TTC21A: variants seen among roughly 807,000 people sequenced by gnomAD.
The protein encoded by TTC21A is tetratricopeptide repeat protein 21A.
TTC21A carries 128 observed loss-of-function variants against 156.4 expected under a neutral mutation model. That is an observed-to-expected ratio of 0.82 (90% CI 0.71 to 0.95). The LOEUF (loss-of-function observed/expected upper bound fraction) is 0.95. Ranked by LOEUF, TTC21A falls within the 40% of genes least tolerant of loss-of-function variation. The pLI is 0.00. For synonymous variants in TTC21A, 587 were observed against 617.1 expected (o/e 0.95, Z 0.72); for missense variants, 1,435 against 1,602.3 (o/e 0.90, Z 1.78).
At chr3:39,123,929 G>A (rs1364602487) in intron 9 of TTC21A, among the ~76,000 whole-genome samples, 1 of 152,132 alleles carries the variant, frequency 6.6e-6, no homozygotes, top group Non-Finnish European at 1.5e-5. Context: ...ATGAACAGGT[G>A]TTCATTCTCC....
At chr3:39,111,971 G>A (rs992132021) in intron 4 of TTC21A, among the ~76,000 whole-genome samples, 5 of 152,168 alleles carry the variant, frequency 3.3e-5, no homozygotes, top group African/African-American at 7.2e-5. Context: ...AGCTCAGAAC[G>A]GCTCCTGCTC....
chr3:39,123,090 C>A (rs2037904423), intron 9 of TTC21A, among the ~76,000 whole-genome samples: 1 of 152,176 alleles, frequency 6.6e-6, no homozygotes, highest in Non-Finnish European at 1.5e-5. Flanking sequence ...GACTTTTCCT[C>A]CCAAAACACC....
chr3:39,111,121 G>GC, intron 4 of TTC21A, 104 bp downstream of exon 4: 2 of 1,300,426 alleles, frequency 1.5e-6, no homozygotes, highest in Non-Finnish European at 2.1e-6. Flanking sequence ...CTGGGGGAGA[G>GC]CCACACCCAG....
chr3:39,124,822 A>G (rs2038086105), intron 9 of TTC21A, among the ~76,000 whole-genome samples: 1 of 152,116 alleles, frequency 6.6e-6, no homozygotes, highest in Non-Finnish European at 1.5e-5. Flanking sequence ...CCTAGTGGTT[A>G]TCTCTAGAGA....
chr3:39,119,453 G>A (rs2037557412), intron 7 of TTC21A: 1 of 152,518 alleles, frequency 6.6e-6, no homozygotes, highest in African/African-American at 2.4e-5. Flanking sequence ...ATGTCAAAAT[G>A]GAGCAGAGGC....
Position 39,133,223 on chromosome 3 carries a change from T to C in TTC21A, c.2734T>C (p.Leu912=). 1.2e-6 allele frequency: 2 copies of C among 1,613,698 alleles called. No homozygotes were observed. Among genetic ancestry groups the C allele is most frequent in the Non-Finnish European group, 1.7e-6 (2 of 1,179,736 alleles). ...VQSYKDVFSY[L]PTDNKVMLEL... is the part of the protein sequence containing the mutation. ...GTCTTATAAGGATGTCTTCTCCTACTTGCCAACTGACAATAAGGTGAGTGG... is the reference window on the plus strand; with the variant it reads ...GTCTTATAAGGATGTCTTCTCCTACCTGCCAACTGACAATAAGGTGAGTGG... The change falls in exon 20 of 29, where the codon TTG becomes CTG. Residue 912 remains leucine, a synonymous_variant. Coordinates refer to ENST00000683103, the MANE Select transcript of TTC21A (RefSeq NM_001366900.1).
At chr3:39,137,853 C>T (rs937161292) in intron 26 of TTC21A, 143 bp downstream of exon 26, 18 of 855,666 alleles carry the variant, frequency 2.1e-5, no homozygotes, top group South Asian at 3.3e-5. Flanking sequence ...GGCACATGGG[C>T]GACAGACCAG....
At chr3:39,118,847 A>AG (rs2037506031) in intron 7 of TTC21A, 1 of 152,168 alleles carries the variant, frequency 6.6e-6, no homozygotes, top group African/African-American at 2.4e-5. Flanking sequence ...GCAAACCAGG[A>AG]GTCTCTAAGG....
At chr3:39,121,377 A>T (rs1036017997) in intron 9 of TTC21A, among the ~76,000 whole-genome samples, 188 bp downstream of exon 9, 2 of 152,212 alleles carry the variant, frequency 1.3e-5, no homozygotes, top group African/African-American at 2.4e-5. Context: ...AGCAATGCTC[A>T]GAGGTATGAT....
intron 7 of TTC21A, 110 bp from the exon 8 acceptor site, chr3:39,119,812 G>A (rs2125791102): frequency 4.1e-6 from 3 of 731,494 alleles, no homozygotes; most frequent in Admixed American, 2.3e-5. Context: ...CTGGGCATGG[G>A]CATTTTTTAA....
chr3:39,138,396 A>G lies in TTC21A; in HGVS notation c.3796+9A>G. The G allele has an allele frequency of 1.2e-6, 2 of 1,614,034 alleles. No homozygotes were observed. Among genetic ancestry groups the G allele is most frequent in the Admixed American group, 1.7e-5 (1 of 60,000 alleles). Reference sequence around the variant, plus strand: ...CGCCAACCCTGCCATTGGTAAGGCAACCAGCCAGGGTGCACGTGAATGGAC... The same window carrying G: ...CGCCAACCCTGCCATTGGTAAGGCAGCCAGCCAGGGTGCACGTGAATGGAC... On this transcript the variant is annotated intron_variant, in intron 27 of 28. Coordinates refer to ENST00000683103, the MANE Select transcript of TTC21A (RefSeq NM_001366900.1).
chr3:39,137,795 A>G lies in TTC21A; in HGVS notation c.3675+85A>G, dbSNP rs950137163. On this transcript the variant is annotated intron_variant, in intron 26 of 28. Transcript: ENST00000683103. ...GGAAGGTGAAGCAGGCTTTGCAGGT[A>G]GAGGCCATATGGAATAAGAACTAGT... 8.5e-6 allele frequency: 12 copies of G among 1,408,214 alleles called. No individual in the cohort carries two copies. In the African/African-American group the frequency reaches 1.7e-4, roughly 20 times the overall value. 87.2% of individuals were successfully genotyped at this position (1,408,214 alleles called of 1,614,324 possible). A position where few individuals can be genotyped will look rare whatever the true frequency, so the allele number is the denominator to read the frequency against.
rs2037608069 is a variant in TTC21A, at chr3:39,119,848, G to A, written c.802-74G>A. 3.0e-6 allele frequency: 3 copies of A among 1,003,728 alleles called. No homozygotes were observed. The East Asian group carries it at 7.2e-5, about 24-fold the overall frequency. The allele number at this position is 1,003,728 out of a possible 1,614,324, so 62.2% of individuals were successfully genotyped here. A position where few individuals can be genotyped will look rare whatever the true frequency, so the allele number is the denominator to read the frequency against. Reference sequence around the variant, plus strand: ...ATCTCCCAGCTGATGCTACTATGCAGTCAGGGTTGAGAACCACGGCGCAAC... The same window carrying A: ...ATCTCCCAGCTGATGCTACTATGCAATCAGGGTTGAGAACCACGGCGCAAC... On this transcript the variant is annotated intron_variant, in intron 7 of 28. Coordinates refer to ENST00000683103, the MANE Select transcript of TTC21A (RefSeq NM_001366900.1).
At chr3:39,117,296 A>G (rs545832355) in intron 6 of TTC21A, among the ~76,000 whole-genome samples, 8 of 152,360 alleles carry the variant, frequency 5.3e-5, no homozygotes, top group South Asian at 2.1e-4. Context: ...AACTTTTTCA[A>G]TGCTGATTGT....
intron 13 of TTC21A, 27 bp downstream of exon 13, chr3:39,128,515 T>C: frequency 6.2e-7 from 1 of 1,613,456 alleles, no homozygotes; most frequent in Non-Finnish European, 8.5e-7. Flanking sequence ...CCTCTCAGCA[T>C]CCCAAAGCCC....
rs752680476 is a variant in TTC21A at position 39,138,554 on chromosome 3, A to G, written c.3797-2A>G. On this transcript the variant is annotated splice_acceptor_variant, in intron 27 of 28. Transcript: ENST00000683103. LOFTEE classifies it high-confidence loss of function. ...CATCTTTGCTCTCCATGTCCCCGGTAGGCTTCAAACTTGCTTTCAACTACC... is the reference window on the plus strand; with the variant it reads ...CATCTTTGCTCTCCATGTCCCCGGTGGGCTTCAAACTTGCTTTCAACTACC... 2 of 1,614,180 alleles carry G rather than the reference A, an allele frequency of 1.2e-6. No homozygotes were observed. The highest frequency in any genetic ancestry group is 1.7e-6 in the Non-Finnish European group (2 of 1,180,010).
intron 23 of TTC21A, 52 bp from the exon 24 acceptor site, chr3:39,136,847 C>T: frequency 1.2e-6 from 2 of 1,602,238 alleles, no homozygotes; most frequent in South Asian, 1.1e-5. Context: ...TATCCCTGCC[C>T]TGTCTGGGCC....
At position 39,120,846 on chromosome 3, in the gene TTC21A, C is replaced by T. The variant is rs894922780; in HGVS notation, c.901-151C>T. ...AGGTTCCTTGGGAGCCAGACAGCAA[C>T]ACAGACCCAGCTGCCTAGACACACG... On this transcript the variant is annotated intron_variant, in intron 8 of 28. Coordinates refer to ENST00000683103, the MANE Select transcript of TTC21A (RefSeq NM_001366900.1). The T allele has an allele frequency of 2.7e-5, 17 of 633,054 alleles. No homozygotes were observed. The African/African-American group carries it at 3.0e-4, about 11-fold the overall frequency. The allele number at this position is 633,054 out of a possible 1,614,324, so 39.2% of individuals were successfully genotyped here. A position where few individuals can be genotyped will look rare whatever the true frequency, so the allele number is the denominator to read the frequency against.
chr3:39,112,489 C>A lies in TTC21A; in HGVS notation c.467C>A (p.Thr156Asn). ...GTGCTCAGAGGCTGGGTGGACCTGA[C>A]CTCAGACAAGCCCCACACTGCGAAG... ...AYVLRGWVDLTSDKPHTAKKA... is the reference protein window; with the variant it reads ...AYVLRGWVDLNSDKPHTAKKA... Residue 156 changes from threonine (T) to asparagine (N), a missense_variant, in exon 5 of 29, where the codon ACC becomes AAC. Physicochemically the swap from Thr to Asn is moderately conservative, Grantham distance 65. Transcript: ENST00000683103. The A allele has an allele frequency of 3.1e-6, 5 of 1,614,158 alleles. No homozygotes were observed. The highest frequency in any genetic ancestry group is 4.2e-6 in the Non-Finnish European group (5 of 1,180,042).
Sources: gnomAD v4.1 joint callset for allele counts (sites outside exome capture counted in the v4.1 genomes callset) on GRCh38, gnomAD v4.1.1 for gene constraint, MANE v1.5 for transcripts, NCBI Gene and HGNC (gene_info 2026-07-23, HGNC 2026-07-21) for gene names.